The following PTPRD variants were observed in gnomAD, a reference collection of about 807,000 sequenced individuals.
The protein encoded by PTPRD is protein tyrosine phosphatase receptor type D, also known as receptor-type tyrosine-protein phosphatase delta.
In PTPRD, 34 loss-of-function variants were observed where a neutral mutation model predicts 214.5. That is an observed-to-expected ratio of 0.16 (90% confidence interval 0.12 to 0.21). The LOEUF (loss-of-function observed/expected upper bound fraction) is 0.21. Ranked by LOEUF, PTPRD falls within the 10% of genes least tolerant of loss-of-function variation. The pLI is 1.00. For missense variants in PTPRD, 2,545 were observed against 2,398.7 expected, an observed-to-expected ratio of 1.06 and a Z score of -1.27; for synonymous variants, 1,128 against 845.7, an observed-to-expected ratio of 1.33 and a Z score of -5.79.
intron 7 of PTPRD, among the ~76,000 whole-genome samples, chr9:9,584,074 T>C (rs901228003): frequency 2.6e-5 from 4 of 152,056 alleles, no homozygotes; most frequent in African/African-American, 4.8e-5. Flanking sequence ...CAGATTCTGA[T>C]AGTTCTGCCT....
At chr9:8,855,737 C>G (rs955741727) in intron 11 of PTPRD, among the ~76,000 whole-genome samples, 7 of 152,066 alleles carry the variant, frequency 4.6e-5, no homozygotes, top group South Asian at 2.1e-4. Context: ...ACATTGGAGT[C>G]CATCTATTTT....
intron 2 of PTPRD, among the ~76,000 whole-genome samples, chr9:10,430,204 C>T (rs2098664614): frequency 6.6e-6 from 1 of 151,488 alleles, no homozygotes; most frequent in African/African-American, 2.4e-5. Context: ...AATATTTTTC[C>T]TTCTTATAAA....
intron 5 of PTPRD, among the ~76,000 whole-genome samples, chr9:9,854,529 G>A (rs1387210780): frequency 6.6e-6 from 1 of 150,490 alleles, no homozygotes; most frequent in Non-Finnish European, 1.5e-5. Flanking sequence ...GAAAAAAAAA[G>A]ATATCTAATC....
chr9:9,218,288 A>G (rs2099953581), intron 9 of PTPRD, among the ~76,000 whole-genome samples: 1 of 152,072 alleles, frequency 6.6e-6, no homozygotes, highest in South Asian at 2.1e-4. Flanking sequence ...ATAGATCCGG[A>G]TTAGATAGGC....
intron 3 of PTPRD, among the ~76,000 whole-genome samples, chr9:10,217,824 G>A (rs1264846809): frequency 6.6e-6 from 1 of 151,806 alleles, no homozygotes; most frequent in East Asian, 1.9e-4. Context: ...TAATGATTGT[G>A]GAAAAACCTA....
intron 12 of PTPRD, among the ~76,000 whole-genome samples, chr9:8,645,113 A>T (rs1253232311): frequency 1.3e-5 from 2 of 152,278 alleles, no homozygotes; most frequent in Non-Finnish European, 2.9e-5. Flanking sequence ...TATAAAATGT[A>T]TACTGATTGT....
chr9:9,942,209 C>A (rs1280691000), intron 4 of PTPRD, among the ~76,000 whole-genome samples: 1 of 152,052 alleles, frequency 6.6e-6, no homozygotes, highest in African/African-American at 2.4e-5. Flanking sequence ...ACGAATACAA[C>A]CATACATATA....
intron 9 of PTPRD, among the ~76,000 whole-genome samples, chr9:9,349,722 C>T (rs1304528026): frequency 6.6e-6 from 1 of 151,424 alleles, no homozygotes; most frequent in African/African-American, 2.4e-5. Context: ...TTCTATATCA[C>T]CTTGTTTATA....
chr9:10,574,669 A>G lies in PTPRD; in HGVS notation c.-600+37729T>C, dbSNP rs137957491. 1.4e-4 allele frequency among the ~76,000 whole-genome samples: 22 copies of G among 152,086 alleles called. No individual in the cohort carries two copies. The East Asian group carries it at 4.3e-3, about 29-fold the overall frequency. On this transcript the variant is annotated intron_variant, in intron 2 of 45. Transcript: ENST00000381196. ...TTTCATAGCAAATTTGAGAAAATGA[A>G]TCATTATATGATCTAAGAAAGTATG...
At chr9:9,542,765 A>T (rs2077898967) in intron 8 of PTPRD, among the ~76,000 whole-genome samples, 1 of 151,742 alleles carries the variant, frequency 6.6e-6, no homozygotes, top group African/African-American at 2.4e-5. Context: ...ATGAGATGAC[A>T]TTTCAGTTTA....
At chr9:9,894,327 C>T (rs924544043) in intron 5 of PTPRD, among the ~76,000 whole-genome samples, 1 of 152,018 alleles carries the variant, frequency 6.6e-6, no homozygotes, top group Non-Finnish European at 1.5e-5. Flanking sequence ...TTCACCTGTG[C>T]ATTAAGAACA....
At chr9:10,417,516 A>G (rs932825123) in intron 2 of PTPRD, among the ~76,000 whole-genome samples, 8 of 151,918 alleles carry the variant, frequency 5.3e-5, no homozygotes, top group African/African-American at 1.9e-4. Flanking sequence ...CCAAGTTATT[A>G]TGATTTGCAC....
rs1415857613 is a variant in PTPRD, at chr9:8,315,203, G to GAGTT, written c.*2667_*2670dup. The GAGTT allele has an allele frequency of 4.3e-6, 1 of 232,720 alleles. No homozygotes were observed. The highest frequency in any genetic ancestry group is 6.0e-5 in the East Asian group (1 of 16,556). The allele number at this position is 232,720 out of a possible 1,614,324, so 14.4% of individuals were successfully genotyped here. A position where few individuals can be genotyped will look rare whatever the true frequency, so the allele number is the denominator to read the frequency against. The stretch of plus-strand genomic sequence containing the variant: ...GGAATGCACATCAATGACAGTAAGG[G>GAGTT]AGTTAGTTCTAGGAACAGCTCCTGA... On this transcript the variant is annotated 3_prime_UTR_variant, in exon 46 of 46. Coordinates refer to ENST00000381196, the MANE Select transcript of PTPRD (RefSeq NM_002839.4).
intron 3 of PTPRD, among the ~76,000 whole-genome samples, chr9:10,231,265 G>A (rs2099608544): frequency 6.6e-6 from 1 of 151,760 alleles, no homozygotes; most frequent in South Asian, 2.1e-4. Flanking sequence ...GAGAAAGGAG[G>A]CAAAGAAACA....
chr9:8,891,040 T>C (rs936842539), intron 11 of PTPRD, among the ~76,000 whole-genome samples: 1 of 152,034 alleles, frequency 6.6e-6, no homozygotes, highest in Non-Finnish European at 1.5e-5. Flanking sequence ...ACTTTAAAAA[T>C]AAGGATCAAG....
chr9:8,355,321 G>C (rs1413870371), intron 39 of PTPRD, among the ~76,000 whole-genome samples: 1 of 152,114 alleles, frequency 6.6e-6, no homozygotes, highest in Non-Finnish European at 1.5e-5. Context: ...GCCAGAACAG[G>C]TTGTAGGCCA....
chr9:8,838,810 T>C (rs2097496171), intron 11 of PTPRD, among the ~76,000 whole-genome samples: 4 of 151,798 alleles, frequency 2.6e-5, no homozygotes, highest in Admixed American at 2.6e-4. Flanking sequence ...AGAATGGATA[T>C]AAAACAGTAA....
chr9:10,164,700 T>C (rs1383863814), intron 3 of PTPRD, among the ~76,000 whole-genome samples: 2 of 151,666 alleles, frequency 1.3e-5, no homozygotes, highest in Non-Finnish European at 3.0e-5. Flanking sequence ...GGTATTCAAA[T>C]AGAAGTACAC....
At chr9:8,833,597 T>C (rs1029678784) in intron 11 of PTPRD, among the ~76,000 whole-genome samples, 6 of 151,302 alleles carry the variant, frequency 4.0e-5, no homozygotes, top group Non-Finnish European at 8.8e-5. Flanking sequence ...ATTTTTCATA[T>C]TGAAAAAAAT....
Sources: allele counts gnomAD v4.1 joint callset (sites outside exome capture counted in the v4.1 genomes callset), GRCh38; gene constraint gnomAD v4.1.1; transcripts MANE v1.5; gene names NCBI Gene and HGNC (gene_info 2026-07-23, HGNC 2026-07-21).